Variants in C1GALT1 observed in about 807,000 individuals in gnomAD.
The protein encoded by C1GALT1 is core 1 synthase, glycoprotein-N-acetylgalactosamine 3-beta-galactosyltransferase 1.
Under a neutral mutation model 31.0 loss-of-function variants are expected in C1GALT1, and 11 were observed. The ratio of observed to expected loss-of-function variants is 0.36; its 90% CI spans 0.22 to 0.59. The LOEUF (loss-of-function observed/expected upper bound fraction) is 0.59, where lower values mean the gene tolerates loss of function less well. Among genes scored for constraint, C1GALT1 ranks in the 20% least tolerant of loss-of-function variants. The pLI is 0.79. For missense variants in C1GALT1, 424 were observed against 425.2 expected, an observed-to-expected ratio of 1.00 and a Z score of 0.03; for synonymous variants, 175 against 143.6, an observed-to-expected ratio of 1.22 and a Z score of -1.56.
At chr7:7,225,424 T>C (rs1182683469) in intron 1 of C1GALT1, among the ~76,000 whole-genome samples, 6 of 152,246 alleles carry the variant, frequency 3.9e-5, no homozygotes. Flanking sequence ...TTTTGAGCTT[T>C]AAAACTTAGA....
At chr7:7,205,429 AGAATTT>A (rs894369882) in intron 1 of C1GALT1, among the ~76,000 whole-genome samples, 1 of 146,634 alleles carries the variant, frequency 6.8e-6, no homozygotes, top group African/African-American at 2.6e-5. Flanking sequence ...TATAAAGGAG[AGAATTT>A]ATTTACAGTT....
chr7:7,227,307 A>C (rs898705873), intron 1 of C1GALT1, among the ~76,000 whole-genome samples: 5 of 152,222 alleles, frequency 3.3e-5, no homozygotes, highest in African/African-American at 1.2e-4. Context: ...CAATATTAAC[A>C]AGGCCTTTAA....
At chr7:7,178,502 AAATT>A (rs1780530316), upstream of C1GALT1, among the ~76,000 whole-genome samples, 1 of 152,152 alleles carries the variant, frequency 6.6e-6, no homozygotes, top group Non-Finnish European at 1.5e-5. Flanking sequence ...AAATTAAAAA[AAATT>A]GATTGAGGAA....
At chr7:7,211,517 T>G (rs1223162066) in intron 1 of C1GALT1, among the ~76,000 whole-genome samples, 1 of 152,200 alleles carries the variant, frequency 6.6e-6, no homozygotes, top group East Asian at 1.9e-4. Flanking sequence ...ACAACAGCAA[T>G]GGAAACTCTG....
upstream of C1GALT1, among the ~76,000 whole-genome samples, chr7:7,179,519 C>T (rs1170467771): frequency 6.6e-6 from 1 of 152,124 alleles, no homozygotes; most frequent in Non-Finnish European, 1.5e-5. Flanking sequence ...AGCTTGTTTG[C>T]ATTTTCTGTC....
At chr7:7,232,465 T>C (rs2128247925) in intron 1 of C1GALT1, among the ~76,000 whole-genome samples, 1 of 150,504 alleles carries the variant, frequency 6.6e-6, no homozygotes, top group South Asian at 2.1e-4. Flanking sequence ...GTTTGAGAAA[T>C]GTAATGGAAA....
At chr7:7,198,188 T>C (rs1781379727) in intron 1 of C1GALT1, among the ~76,000 whole-genome samples, 3 of 152,240 alleles carry the variant, frequency 2.0e-5, no homozygotes, top group African/African-American at 4.8e-5. Context: ...AAATAGCTTA[T>C]TATTTTAAGA....
chr7:7,225,624 T>G (rs1327163641), intron 1 of C1GALT1, among the ~76,000 whole-genome samples: 2 of 152,230 alleles, frequency 1.3e-5, no homozygotes, highest in Non-Finnish European at 2.9e-5. Flanking sequence ...AGTGTGTTTT[T>G]TGTGTTTAAG....
At chr7:7,210,855 G>A (rs531593817) in intron 1 of C1GALT1, among the ~76,000 whole-genome samples, 1 of 152,346 alleles carries the variant, frequency 6.6e-6, no homozygotes, top group African/African-American at 2.4e-5. Context: ...GGCTTTAACA[G>A]CCGTGGCTTT....
intron 2 of C1GALT1, among the ~76,000 whole-genome samples, chr7:7,169,437 G>C (rs917805007): frequency 1.6e-4 from 24 of 152,080 alleles, no homozygotes; most frequent in Non-Finnish European, 2.8e-4. Context: ...TGCCATGCTG[G>C]TTTCCACAGT....
intron 1 of C1GALT1, among the ~76,000 whole-genome samples, chr7:7,227,919 T>G (rs951383995): frequency 6.6e-6 from 1 of 152,186 alleles, no homozygotes; most frequent in Non-Finnish European, 1.5e-5. Context: ...ATGCTTTCTC[T>G]TTATAAATTA....
intron 2 of C1GALT1, among the ~76,000 whole-genome samples, chr7:7,174,502 GGGAAGCTGAGGTGGGAGGATTAC>G (rs1780484926): frequency 6.6e-6 from 1 of 151,994 alleles, no homozygotes; most frequent in Non-Finnish European, 1.5e-5. Flanking sequence ...CTAGCACTTT[GGGAAGCTGAGGTGGGAGGATTAC>G]AAGCTCAGGA....
In C1GALT1 at chr7:7,243,828, T is replaced by C. The variant is rs1272318287; in HGVS notation, c.*101T>C. 11 of 821,784 alleles carry C rather than the reference T, an allele frequency of 1.3e-5. No individual in the cohort carries two copies. In the East Asian group the frequency reaches 2.6e-4, roughly 19 times the overall value. 50.9% of individuals were successfully genotyped at this position (821,784 alleles called of 1,614,324 possible). A position where few individuals can be genotyped will look rare whatever the true frequency, so the allele number is the denominator to read the frequency against. Reference sequence around the variant, plus strand: ...ACACTGGAATCCCAGTGAGGAATTCTAAGTGAACATTCCTTATAGAAACCT... The same window carrying C: ...ACACTGGAATCCCAGTGAGGAATTCCAAGTGAACATTCCTTATAGAAACCT... On this transcript the variant is annotated 3_prime_UTR_variant, in exon 4 of 4. Coordinates refer to ENST00000436587, the MANE Select transcript of C1GALT1 (RefSeq NM_020156.5).
rs1458335066 is a variant in C1GALT1, at chr7:7,234,511, C to T, written c.192C>T (p.Asn64=). 5 of 1,612,320 alleles carry T rather than the reference C, an allele frequency of 3.1e-6. No homozygotes were observed. The South Asian group carries it at 3.3e-5, about 11-fold the overall frequency. Reference sequence around the variant, plus strand: ...AGAATCATCTAGAAGGACAAATGAACTTCAATGCAGATTCTAGCCAACATA... The same window carrying T: ...AGAATCATCTAGAAGGACAAATGAATTTCAATGCAGATTCTAGCCAACATA... ...NGQNHLEGQM[N]FNADSSQHKD... Residue 64 remains asparagine (N), a synonymous_variant, in exon 2 of 4, where the codon AAC becomes AAT. Coordinates refer to ENST00000436587, the MANE Select transcript of C1GALT1 (RefSeq NM_020156.5).
At chr7:7,201,233 C>T (rs1190734764) in intron 1 of C1GALT1, among the ~76,000 whole-genome samples, 4 of 152,182 alleles carry the variant, frequency 2.6e-5, no homozygotes, top group Non-Finnish European at 4.4e-5. Context: ...AGTCAGGACC[C>T]TCAGCCGCAG....
intron 1 of C1GALT1, among the ~76,000 whole-genome samples, chr7:7,217,158 T>TGAGTGAAG (rs2128240911): frequency 6.6e-6 from 1 of 152,310 alleles, no homozygotes; most frequent in Non-Finnish European, 1.5e-5. Flanking sequence ...ATGGTTCTGA[T>TGAGTGAAG]GAGTGAAGGA....
chr7:7,207,335 CTTTTTTTTTTTTTTT>C (rs57510429), intron 1 of C1GALT1, among the ~76,000 whole-genome samples: 15 of 48,008 alleles, frequency 3.1e-4, no homozygotes, highest in Non-Finnish European at 4.6e-4. Context: ...TACTCTGTTG[CTTTTTTTTTTTTTTT>C]TTTTTTTTTT....
rs1404110705 is a variant in C1GALT1 at position 7,247,036 on chromosome 7, G to GTA, written c.*3310_*3311dup. ...GGAAGGGCTCATTAAGTACTAATAAGTACATAATTTATTAAAAACATACAT... is the reference window on the plus strand; with the variant it reads ...GGAAGGGCTCATTAAGTACTAATAAGTATACATAATTTATTAAAAACATACAT... On this transcript the variant is annotated 3_prime_UTR_variant, in exon 4 of 4. Coordinates refer to ENST00000436587, the MANE Select transcript of C1GALT1 (RefSeq NM_020156.5). 9 of 151,968 alleles carry GTA rather than the reference G, an allele frequency of 5.9e-5. No individual in the cohort carries two copies. Among genetic ancestry groups the GTA allele is most frequent in the Non-Finnish European group, 1.0e-4 (7 of 67,998 alleles). The allele number at this position is 151,968 out of a possible 1,614,324, so 9.4% of individuals were successfully genotyped here.
chr7:7,190,308 G>A (rs1781009969), intron 1 of C1GALT1, among the ~76,000 whole-genome samples: 1 of 151,930 alleles, frequency 6.6e-6, no homozygotes, highest in Non-Finnish European at 1.5e-5. Context: ...CTGATTCCCT[G>A]GAGACTACAA....
Sources: gnomAD v4.1 joint callset for allele counts (sites outside exome capture counted in the v4.1 genomes callset) on GRCh38, gnomAD v4.1.1 for gene constraint, MANE v1.5 for transcripts, NCBI Gene and HGNC (gene_info 2026-07-23, HGNC 2026-07-21) for gene names.